The following DOCK5 variants were observed in gnomAD, a reference collection of about 807,000 sequenced individuals.
The protein encoded by DOCK5 is dedicator of cytokinesis 5, also known as dedicator of cytokinesis protein 5.
In DOCK5, 142 loss-of-function variants were observed where a neutral mutation model predicts 251.8. That is an observed-to-expected ratio of 0.56 (90% confidence interval 0.49 to 0.65). The LOEUF is 0.65. Among genes scored for constraint, DOCK5 ranks in the 30% least tolerant of loss-of-function variants. The pLI, the probability that DOCK5 is intolerant of heterozygous loss-of-function variation, is 0.00. For missense variants in DOCK5, 2,111 were observed against 2,312.3 expected, an observed-to-expected ratio of 0.91 and a Z score of 1.79; for synonymous variants, 842 against 835.5, an observed-to-expected ratio of 1.01 and a Z score of -0.13.
intron 2 of DOCK5, among the ~76,000 whole-genome samples, chr8:25,248,152 T>C (rs1177946158): frequency 6.6e-6 from 1 of 152,198 alleles, no homozygotes; most frequent in South Asian, 2.1e-4. Context: ...ATATTTTTCA[T>C]TAGTGTTTAT....
chr8:25,384,837 G>A (rs1801135918), intron 40 of DOCK5, among the ~76,000 whole-genome samples: 1 of 152,016 alleles, frequency 6.6e-6, no homozygotes, highest in Non-Finnish European at 1.5e-5. Context: ...GGAAGCTGAG[G>A]TAGGAGAATC....
intron 1 of DOCK5, among the ~76,000 whole-genome samples, chr8:25,220,921 A>C (rs564846652): frequency 6.6e-6 from 1 of 151,928 alleles, no homozygotes; most frequent in East Asian, 1.9e-4. Context: ...CAGTTTTTAC[A>C]GGGGATGAAC....
chr8:25,399,458 T>C (rs1038903594), intron 45 of DOCK5, among the ~76,000 whole-genome samples: 1 of 152,376 alleles, frequency 6.6e-6, no homozygotes. Flanking sequence ...AAGCGTGATA[T>C]AGCCAATGTC....
chr8:25,411,000 C>A (rs1801621885), intron 51 of DOCK5, among the ~76,000 whole-genome samples, 194 bp from the exon 52 acceptor site: 1 of 118,520 alleles, frequency 8.4e-6, no homozygotes, highest in African/African-American at 3.4e-5. Context: ...CGCACGCACG[C>A]ACGCGTGTGT....
intron 1 of DOCK5, among the ~76,000 whole-genome samples, chr8:25,241,261 G>T (rs1279098944): frequency 6.6e-6 from 1 of 152,162 alleles, no homozygotes; most frequent in Non-Finnish European, 1.5e-5. Flanking sequence ...TGGATCACGA[G>T]GTTAGGAGAT....
chr8:25,240,277 TAAA>T (rs11314754), intron 1 of DOCK5, among the ~76,000 whole-genome samples: 28 of 134,496 alleles, frequency 2.1e-4, no homozygotes, highest in African/African-American at 7.3e-4. Flanking sequence ...TAAATCTACT[TAAA>T]AAAAAAAAAA....
intron 1 of DOCK5, among the ~76,000 whole-genome samples, chr8:25,233,764 TTTTG>T (rs541157858): frequency 0.027 from 3,639 of 136,148 alleles, 120 homozygotes; most frequent in African/African-American, 0.11. Flanking sequence ...TTTTAAAAAA[TTTTG>T]TTTTATTTTT....
At chr8:25,293,948 G>C (rs1253916726) in intron 6 of DOCK5, among the ~76,000 whole-genome samples, 1 of 152,166 alleles carries the variant, frequency 6.6e-6, no homozygotes, top group Admixed American at 6.5e-5. Flanking sequence ...AGGTTGCGGT[G>C]AGCCAAGATC....
At chr8:25,226,876 C>T (rs376875749) in intron 1 of DOCK5, among the ~76,000 whole-genome samples, 12 of 152,212 alleles carry the variant, frequency 7.9e-5, no homozygotes, top group Non-Finnish European at 1.5e-4. Flanking sequence ...TGAGCCACCG[C>T]ACCCGGCTCC....
intron 1 of DOCK5, among the ~76,000 whole-genome samples, chr8:25,193,719 C>T (rs1192154366): frequency 2.0e-5 from 3 of 151,924 alleles, no homozygotes; most frequent in African/African-American, 7.3e-5. Context: ...TAGCTGTGAT[C>T]GTGCCACTGC....
chr8:25,265,203 C>T (rs550617264), intron 2 of DOCK5, among the ~76,000 whole-genome samples: 4 of 152,088 alleles, frequency 2.6e-5, no homozygotes, highest in African/African-American at 9.7e-5. Context: ...GGCCTCACCC[C>T]AGACCAGTTA....
At chr8:25,290,018 T>C (rs2117148080) in intron 5 of DOCK5, among the ~76,000 whole-genome samples, 1 of 152,264 alleles carries the variant, frequency 6.6e-6, no homozygotes, top group South Asian at 2.1e-4. Context: ...TATTTATTCT[T>C]CTTATACTTT....
intron 30 of DOCK5, among the ~76,000 whole-genome samples, 182 bp from the exon 31 acceptor site, chr8:25,366,688 C>T (rs1466302089): frequency 1.3e-5 from 2 of 152,066 alleles, no homozygotes; most frequent in Non-Finnish European, 2.9e-5. Context: ...TTTTAAAAAG[C>T]TTAACATTAA....
At chr8:25,340,289 C>T (rs1289342026) in intron 22 of DOCK5, among the ~76,000 whole-genome samples, 2 of 152,130 alleles carry the variant, frequency 1.3e-5, no homozygotes, top group Non-Finnish European at 2.9e-5. Flanking sequence ...TCTTTGGGTA[C>T]TATATAAGGT....
At chr8:25,217,201 T>TAC (rs1315648570) in intron 1 of DOCK5, among the ~76,000 whole-genome samples, 3 of 149,980 alleles carry the variant, frequency 2.0e-5, no homozygotes, top group African/African-American at 7.3e-5. Context: ...TATATATATA[T>TAC]ACACATACAC....
chr8:25,291,975 T>G, intron 5 of DOCK5, 49 bp from the exon 6 acceptor site: 1 of 1,489,064 alleles, frequency 6.7e-7, no homozygotes. Context: ...CCATCCTCTG[T>G]CACACCTTTT....
chr8:25,220,211 G>A lies in DOCK5; in HGVS notation c.44-23463G>A, dbSNP rs555464628. On this transcript the variant is annotated intron_variant, in intron 1 of 51. Transcript: ENST00000276440. Reference sequence around the variant, plus strand: ...TTTCCTTTTCTTTGTGTGTGTGTGTGTATATGTAGGTGTGTGTACTTCCTG... The same window carrying A: ...TTTCCTTTTCTTTGTGTGTGTGTGTATATATGTAGGTGTGTGTACTTCCTG... 2.0e-5 allele frequency among the ~76,000 whole-genome samples: 3 copies of A among 151,800 alleles called. No individual in the cohort carries two copies. In the East Asian group the frequency reaches 5.8e-4, roughly 29 times the overall value.
intron 26 of DOCK5, among the ~76,000 whole-genome samples, chr8:25,347,977 C>T (rs1224082725): frequency 6.6e-6 from 1 of 152,076 alleles, no homozygotes; most frequent in Non-Finnish European, 1.5e-5. Flanking sequence ...TTTTGGTATT[C>T]CCAATATTAT....
intron 30 of DOCK5, among the ~76,000 whole-genome samples, chr8:25,366,335 G>A (rs747255345): frequency 1.3e-5 from 2 of 152,042 alleles, no homozygotes; most frequent in African/African-American, 2.4e-5. Flanking sequence ...TACTAAAAAT[G>A]CAAAAACTAG....
Sources: allele counts gnomAD v4.1 joint callset (sites outside exome capture counted in the v4.1 genomes callset), GRCh38; gene constraint gnomAD v4.1.1; transcripts MANE v1.5; gene names NCBI Gene and HGNC (gene_info 2026-07-23, HGNC 2026-07-21).